IL1R1: variants seen among roughly 807,000 people sequenced by gnomAD.
IL1R1 encodes interleukin-1 receptor type 1.
Under a neutral mutation model 50.2 loss-of-function variants are expected in IL1R1, and 22 were observed. The observed-to-expected ratio is 0.44, with a 90% CI of 0.31 to 0.63. The LOEUF (loss-of-function observed/expected upper bound fraction) is 0.63, where lower values mean the gene tolerates loss of function less well. Ranked by LOEUF, IL1R1 falls within the 20% of genes least tolerant of loss-of-function variation. IL1R1 has a pLI of 0.07. For synonymous variants in IL1R1, 251 were observed against 236.7 expected, an observed-to-expected ratio of 1.06 and a Z score of -0.55; for missense variants, 509 against 676.2, an observed-to-expected ratio of 0.75 and a Z score of 2.74.
chr2:102,137,803 CA>C (rs1682428538), upstream of IL1R1, among the ~76,000 whole-genome samples: 1 of 152,114 alleles, frequency 6.6e-6, no homozygotes, highest in Non-Finnish European at 1.5e-5. Context: ...TAGTTTACCA[CA>C]TTGATCTTAT....
chr2:102,092,414 T>C (rs996040692), intron 1 of IL1R1, among the ~76,000 whole-genome samples: 2 of 152,176 alleles, frequency 1.3e-5, no homozygotes, highest in Admixed American at 6.5e-5. Flanking sequence ...GTTTGTCCAA[T>C]CATTGTAGCA....
chr2:102,169,981 A>G (rs1472678857), intron 7 of IL1R1, among the ~76,000 whole-genome samples: 2 of 152,230 alleles, frequency 1.3e-5, no homozygotes, highest in African/African-American at 4.8e-5. Flanking sequence ...CTCTTCCCCA[A>G]GAACCAGTTT....
chr2:102,110,806 G>T (rs959980287), intron 1 of IL1R1, among the ~76,000 whole-genome samples: 5 of 152,066 alleles, frequency 3.3e-5, no homozygotes, highest in African/African-American at 1.2e-4. Flanking sequence ...CGTGGACCCT[G>T]CCAGGGTTGC....
chr2:102,149,567 A>G (rs1683468753), intron 1 of IL1R1, among the ~76,000 whole-genome samples: 1 of 152,194 alleles, frequency 6.6e-6, no homozygotes, highest in Admixed American at 6.5e-5. Context: ...CTAACCCACC[A>G]GCACCCCTGT....
chr2:102,119,017 CAA>C (rs56327525), intron 1 of IL1R1, among the ~76,000 whole-genome samples: 13,774 of 73,506 alleles, frequency 0.19, 302 homozygotes, highest in South Asian at 0.26. Flanking sequence ...GACTGTGTCT[CAA>C]AAAAAAAAAA....
At chr2:102,175,677 A>G in intron 11 of IL1R1, 32 bp downstream of exon 11, 1 of 1,602,098 alleles carries the variant, frequency 6.2e-7, no homozygotes, top group Non-Finnish European at 8.6e-7. Context: ...GTAAAGGCTT[A>G]TTGTTGTAAA....
At chr2:102,138,262 T>C (rs1682452296), upstream of IL1R1, among the ~76,000 whole-genome samples, 1 of 152,194 alleles carries the variant, frequency 6.6e-6, no homozygotes, top group African/African-American at 2.4e-5. Flanking sequence ...GCCAAGTCTA[T>C]TGGCCTCTGG....
intron 1 of IL1R1, among the ~76,000 whole-genome samples, chr2:102,117,410 G>T (rs900237065): frequency 6.6e-6 from 1 of 152,154 alleles, no homozygotes; most frequent in Non-Finnish European, 1.5e-5. Flanking sequence ...GTGATTTGGT[G>T]CTATTTGTGG....
intron 3 of IL1R1, among the ~76,000 whole-genome samples, chr2:102,163,641 CTA>C (rs1371170907): frequency 6.6e-6 from 1 of 151,572 alleles, no homozygotes; most frequent in Non-Finnish European, 1.5e-5. Flanking sequence ...TAGTAATAAA[CTA>C]TTTTAATTTT....
chr2:102,129,213 CAACA>C (rs1186637036), intron 1 of IL1R1, among the ~76,000 whole-genome samples: 3 of 151,676 alleles, frequency 2.0e-5, no homozygotes, highest in Non-Finnish European at 2.9e-5. Flanking sequence ...CTTGTCTCAA[CAACA>C]AACAAACAAA....
At chr2:102,121,704 A>G (rs6727859) in intron 1 of IL1R1, among the ~76,000 whole-genome samples, 35,529 of 152,174 alleles carry the variant, frequency 0.23, 6,259 homozygotes, top group African/African-American at 0.49. Context: ...CTCTCTCAAC[A>G]AAGCCTAGCA....
At chr2:102,118,739 C>G (rs996670146) in intron 1 of IL1R1, among the ~76,000 whole-genome samples, 6 of 152,090 alleles carry the variant, frequency 3.9e-5, no homozygotes, top group South Asian at 4.2e-4. Flanking sequence ...AAAGTAGGGC[C>G]GGGTGTGGTG....
chr2:102,098,880 T>C (rs1339614413), intron 1 of IL1R1, among the ~76,000 whole-genome samples: 1 of 152,214 alleles, frequency 6.6e-6, no homozygotes, highest in Non-Finnish European at 1.5e-5. Context: ...GATTTAGTGA[T>C]GCTTGTTGAT....
At chr2:102,106,694 C>T (rs923639272) in intron 1 of IL1R1, among the ~76,000 whole-genome samples, 1 of 152,194 alleles carries the variant, frequency 6.6e-6, no homozygotes, top group South Asian at 2.1e-4. Context: ...GTGTATTTGT[C>T]TCTGAGTACA....
intron 1 of IL1R1, among the ~76,000 whole-genome samples, chr2:102,145,959 G>A (rs114685623): frequency 0.011 from 1,614 of 146,040 alleles, 28 homozygotes; most frequent in African/African-American, 0.037. Context: ...GTGTCTTCAA[G>A]ATGAAAGCAA....
intron 1 of IL1R1, among the ~76,000 whole-genome samples, chr2:102,092,004 C>T (rs1174760018): frequency 6.6e-6 from 1 of 152,148 alleles, no homozygotes; most frequent in Non-Finnish European, 1.5e-5. Context: ...TATGTAATAA[C>T]TTAAAGCTTC....
At chr2:102,148,470 G>C (rs1340332546) in intron 1 of IL1R1, among the ~76,000 whole-genome samples, 2 of 152,210 alleles carry the variant, frequency 1.3e-5, no homozygotes, top group Admixed American at 6.5e-5. Flanking sequence ...AAAAAGCAAA[G>C]GCTCAACCTA....
At chr2:102,165,958 G>T (rs1240446917) in intron 5 of IL1R1, among the ~76,000 whole-genome samples, 155 bp from the exon 6 acceptor site, 1 of 152,070 alleles carries the variant, frequency 6.6e-6, no homozygotes, top group Non-Finnish European at 1.5e-5. Flanking sequence ...TTTCCAAAAA[G>T]CCAGTATTAA....
At chr2:102,118,944 G>A (rs1177762705) in intron 1 of IL1R1, among the ~76,000 whole-genome samples, 1 of 148,308 alleles carries the variant, frequency 6.7e-6, no homozygotes, top group African/African-American at 2.5e-5. Context: ...TATGAACCTG[G>A]GAAGCAGAGC....
Sources: gnomAD v4.1 joint callset for allele counts (sites outside exome capture counted in the v4.1 genomes callset) on GRCh38, gnomAD v4.1.1 for gene constraint, MANE v1.5 for transcripts, NCBI Gene and HGNC (gene_info 2026-07-23, HGNC 2026-07-21) for gene names.